The following MIPOL1 variants were observed in gnomAD, a reference collection of about 807,000 sequenced individuals.
The protein encoded by MIPOL1 is mirror-image polydactyly gene 1 protein.
Under a neutral mutation model 60.9 loss-of-function variants are expected in MIPOL1, and 57 were observed. The ratio of observed to expected loss-of-function variants is 0.94; its 90% CI spans 0.76 to 1.17. MIPOL1 has a LOEUF of 1.17. Ranked by LOEUF, MIPOL1 falls within the 50% of genes most tolerant of loss-of-function variation. The probability of loss-of-function intolerance (pLI) is 0.00; values close to 1 mark genes in which losing one functional copy is unlikely to be tolerated. For missense variants in MIPOL1, 551 were observed against 511.6 expected, an observed-to-expected ratio of 1.08 and a Z score of -0.74; for synonymous variants, 179 against 168.8, an observed-to-expected ratio of 1.06 and a Z score of -0.47.
At chr14:37,408,349 G>A (rs1356109906) in intron 10 of MIPOL1, among the ~76,000 whole-genome samples, 2 of 152,058 alleles carry the variant, frequency 1.3e-5, no homozygotes, top group African/African-American at 4.8e-5. Context: ...TAAAAACAAG[G>A]TCAGGTGCAG....
chr14:37,498,663 A>C (rs1302652407), intron 11 of MIPOL1, among the ~76,000 whole-genome samples: 1 of 152,142 alleles, frequency 6.6e-6, no homozygotes, highest in African/African-American at 2.4e-5. Context: ...ACTACACACT[A>C]TTCTAATTTT....
At chr14:37,428,975 T>C (rs2094013586) in intron 11 of MIPOL1, among the ~76,000 whole-genome samples, 1 of 152,174 alleles carries the variant, frequency 6.6e-6, no homozygotes, top group Admixed American at 6.6e-5. Flanking sequence ...AATACAAAGA[T>C]TTAAAATAAA....
In MIPOL1 at chr14:37,360,189, A is replaced by T. The variant is rs534042585; in HGVS notation, c.829-9328A>T. Among the ~76,000 whole-genome samples, 11 of 152,212 alleles carry T rather than the reference A, an allele frequency of 7.2e-5. No homozygotes were observed. The East Asian group carries it at 2.1e-3, about 29-fold the overall frequency. ...TGAAGCCGACTTGATCTTGGCGGAT[A>T]AGCTTTTTGATGTGCTGCTGGATTC... On this transcript the variant is annotated intron_variant, in intron 9 of 12. Transcript: ENST00000684589.
chr14:37,414,419 T>C (rs1164901195), intron 10 of MIPOL1, among the ~76,000 whole-genome samples: 1 of 152,204 alleles, frequency 6.6e-6, no homozygotes, highest in Non-Finnish European at 1.5e-5. Context: ...TTAAATCTTA[T>C]GTCCCTGAAA....
At chr14:37,430,060 G>T (rs935323926) in intron 11 of MIPOL1, among the ~76,000 whole-genome samples, 1 of 151,896 alleles carries the variant, frequency 6.6e-6, no homozygotes, top group Admixed American at 6.6e-5. Flanking sequence ...TGGCCTACCC[G>T]GTGACATAAA....
chr14:37,359,753 T>G (rs2092107708), intron 9 of MIPOL1, among the ~76,000 whole-genome samples: 3 of 152,198 alleles, frequency 2.0e-5, no homozygotes, highest in Admixed American at 2.0e-4. Flanking sequence ...TTTCTAAATA[T>G]ACAATCACGT....
chr14:37,509,668 A>G (rs1321909231), intron 12 of MIPOL1, among the ~76,000 whole-genome samples: 2 of 148,346 alleles, frequency 1.3e-5, no homozygotes, highest in Non-Finnish European at 3.0e-5. Context: ...ATATATGTGC[A>G]TGTACATATG....
chr14:37,467,635 G>A (rs968205982), intron 11 of MIPOL1, among the ~76,000 whole-genome samples: 3 of 152,072 alleles, frequency 2.0e-5, no homozygotes, highest in African/African-American at 7.2e-5. Flanking sequence ...TAGAATGGAA[G>A]GCCATCAAGA....
chr14:37,291,473 ACTTC>A (rs2085049682), intron 7 of MIPOL1, among the ~76,000 whole-genome samples: 2 of 152,032 alleles, frequency 1.3e-5, no homozygotes, highest in South Asian at 4.1e-4. Flanking sequence ...TTCTCAACTT[ACTTC>A]CTTAAGTTTT....
chr14:37,228,019 G>A (rs1470229681), intron 1 of MIPOL1, among the ~76,000 whole-genome samples: 1 of 152,164 alleles, frequency 6.6e-6, no homozygotes, highest in Non-Finnish European at 1.5e-5. Context: ...AGGAAATGAT[G>A]GTTAGATCTC....
At chr14:37,440,225 T>G (rs916227041) in intron 11 of MIPOL1, among the ~76,000 whole-genome samples, 1 of 152,246 alleles carries the variant, frequency 6.6e-6, no homozygotes, top group Non-Finnish European at 1.5e-5. Context: ...ATGTCTAATT[T>G]GTTTTAATCA....
At chr14:37,475,372 T>C (rs2094755141) in intron 11 of MIPOL1, among the ~76,000 whole-genome samples, 1 of 152,224 alleles carries the variant, frequency 6.6e-6, no homozygotes, top group South Asian at 2.1e-4. Context: ...TTGTGAATTG[T>C]CTTTTCATTC....
rs3062719 is a variant in MIPOL1, at chr14:37,481,560, AACACACACACACAC to A, written c.1032-18309_1032-18296del. Among the ~76,000 whole-genome samples, 885 of 113,188 alleles carry A rather than the reference AACACACACACACAC, an allele frequency of 7.8e-3. 8 individuals are homozygous for A. The highest frequency in any genetic ancestry group is 0.026 in the African/African-American group (714 of 27,668). The allele number at this position is 113,188 out of a possible 152,430, so 74.3% of individuals were successfully genotyped here. A position where few individuals can be genotyped will look rare whatever the true frequency, so the allele number is the denominator to read the frequency against. On this transcript the variant is annotated intron_variant, in intron 11 of 12. Coordinates refer to ENST00000684589, the MANE Select transcript of MIPOL1 (RefSeq NM_001388067.1). Reference sequence around the variant, plus strand: ...CATGGAACTCATATGGACCCCCCCCAACACACACACACACACACACACACACACACACACACACA... The same window carrying A: ...CATGGAACTCATATGGACCCCCCCCAACACACACACACACACACACACACA...
chr14:37,499,983 T>C lies in MIPOL1; in HGVS notation c.1107T>C (p.Ala369=), dbSNP rs755314791. 4 of 1,613,438 alleles carry C rather than the reference T, an allele frequency of 2.5e-6. No homozygotes were observed. The African/African-American group carries it at 5.3e-5, about 22-fold the overall frequency. Residue 369 remains alanine (A), a synonymous_variant, in exon 12 of 13, where the codon GCT becomes GCC. Coordinates refer to ENST00000684589, the MANE Select transcript of MIPOL1 (RefSeq NM_001388067.1). ...FNYTLSTYEE[A]LKNRENIVSI... is the part of the protein sequence containing the mutation. The stretch of plus-strand genomic sequence containing the variant: ...ATACCCTTAGTACATATGAAGAAGC[T>C]TTAAAAAACAGAGAGAACATTGTTT...
At chr14:37,393,606 G>T (rs2153522165) in intron 10 of MIPOL1, among the ~76,000 whole-genome samples, 1 of 151,792 alleles carries the variant, frequency 6.6e-6, no homozygotes. Context: ...CCTTTATTGT[G>T]TTTCTAAATT....
At chr14:37,464,625 T>A (rs1004858173) in intron 11 of MIPOL1, among the ~76,000 whole-genome samples, 1 of 152,178 alleles carries the variant, frequency 6.6e-6, no homozygotes, top group African/African-American at 2.4e-5. Flanking sequence ...AAAAATTGCC[T>A]GTTGGGTACA....
rs2084465094 is a variant in MIPOL1 at position 37,285,375 on chromosome 14, G to C, written c.551G>C (p.Arg184Thr). 1 of 1,613,964 alleles carries C rather than the reference G, an allele frequency of 6.2e-7. No individual in the cohort carries two copies. The highest frequency in any genetic ancestry group is 1.7e-5 in the Admixed American group (1 of 59,996). ...QKERDEAVMSRLQLAIEERDE... is the reference protein window; with the variant it reads ...QKERDEAVMSTLQLAIEERDE... ...GAACGTGATGAAGCTGTTATGTCTA[G>C]ACTGCAATTAGCCATTGAGGAGAGA... is the stretch of plus-strand genomic sequence containing the variant. Residue 184 changes from arginine (R) to threonine (T), a missense_variant, in exon 7 of 13, where the codon AGA (arginine) becomes ACA (threonine). Coordinates refer to ENST00000684589, the MANE Select transcript of MIPOL1 (RefSeq NM_001388067.1).
intron 12 of MIPOL1, among the ~76,000 whole-genome samples, chr14:37,526,977 A>G (rs1428830306): frequency 2.6e-5 from 4 of 152,140 alleles, no homozygotes; most frequent in Non-Finnish European, 5.9e-5. Flanking sequence ...GTAAAAAATT[A>G]TATTGTTCTG....
intron 10 of MIPOL1, among the ~76,000 whole-genome samples, chr14:37,415,628 C>CAAAA (rs11377270): frequency 4.7e-5 from 6 of 126,576 alleles, no homozygotes; most frequent in African/African-American, 8.9e-5. Context: ...GACTCTGTCT[C>CAAAA]AAAAAAAAAA....
Sources: gnomAD v4.1 joint callset for allele counts (sites outside exome capture counted in the v4.1 genomes callset) on GRCh38, gnomAD v4.1.1 for gene constraint, MANE v1.5 for transcripts, NCBI Gene and HGNC (gene_info 2026-07-23, HGNC 2026-07-21) for gene names.